CEP97: variants seen among roughly 807,000 people sequenced by gnomAD.
CEP97 encodes centrosomal protein of 97 kDa.
Under a neutral mutation model 73.1 loss-of-function variants are expected in CEP97, and 43 were observed. That is an observed-to-expected ratio of 0.59 (90% CI 0.46 to 0.76). The LOEUF (loss-of-function observed/expected upper bound fraction) is 0.76, where lower values mean the gene tolerates loss of function less well. CEP97 is among the 30% of genes least tolerant of loss of function. The pLI is 0.00. For synonymous variants in CEP97, 337 were observed against 370.0 expected, an observed-to-expected ratio of 0.91 and a Z score of 1.02; for missense variants, 939 against 1,014.0, an observed-to-expected ratio of 0.93 and a Z score of 1.00.
At chr3:101,736,790 C>T (rs1391729249) in intron 6 of CEP97, among the ~76,000 whole-genome samples, 1 of 152,200 alleles carries the variant, frequency 6.6e-6, no homozygotes. Flanking sequence ...TGCTTCTTCT[C>T]CCGCAAAGGA....
At chr3:101,750,618 A>G (rs982745229) in intron 6 of CEP97, among the ~76,000 whole-genome samples, 3 of 152,134 alleles carry the variant, frequency 2.0e-5, no homozygotes, top group South Asian at 2.1e-4. Context: ...CAGAGATTCA[A>G]CTTCTTCCTG....
At chr3:101,735,064 C>T (rs896621930) in intron 6 of CEP97, among the ~76,000 whole-genome samples, 4 of 152,122 alleles carry the variant, frequency 2.6e-5, no homozygotes, top group Admixed American at 6.5e-5. Context: ...ATGTATAGAA[C>T]ATAGGACTGG....
At chr3:101,746,000 G>A (rs1334517915) in intron 6 of CEP97, among the ~76,000 whole-genome samples, 2 of 152,042 alleles carry the variant, frequency 1.3e-5, no homozygotes, top group Admixed American at 6.6e-5. Flanking sequence ...GTGAGAATAT[G>A]CGGTGTTTGG....
chr3:101,756,601 C>T (rs1233764922), intron 7 of CEP97, among the ~76,000 whole-genome samples: 2 of 151,878 alleles, frequency 1.3e-5, no homozygotes, highest in Non-Finnish European at 2.9e-5. Flanking sequence ...TGATCTTGAA[C>T]TCCTGAGCTC....
chr3:101,735,675 C>T (rs563309541), intron 6 of CEP97, among the ~76,000 whole-genome samples: 25 of 152,288 alleles, frequency 1.6e-4, no homozygotes, highest in Admixed American at 4.6e-4. Flanking sequence ...CCAGAAACTA[C>T]GCTTTTCCCA....
rs1326988557 is a variant in CEP97, at chr3:101,770,410, CTG to C, written c.*4861_*4862del. 4 of 152,102 alleles carry C rather than the reference CTG, an allele frequency of 2.6e-5. No individual in the cohort carries two copies. Among genetic ancestry groups the C allele is most frequent in the African/African-American group, 9.7e-5 (4 of 41,432 alleles). 9.4% of individuals were successfully genotyped at this position (152,102 alleles called of 1,614,324 possible). A position where few individuals can be genotyped will look rare whatever the true frequency, so the allele number is the denominator to read the frequency against. On this transcript the variant is annotated 3_prime_UTR_variant, in exon 11 of 11. Coordinates refer to ENST00000341893, the MANE Select transcript of CEP97 (RefSeq NM_024548.4). ...AGTTTAAAAATAATTTGATTTTGGA[CTG>C]TATTTAGATTTCTCTTTAATTTTGC... is the stretch of plus-strand genomic sequence containing the variant.
chr3:101,732,027 C>A, intron 5 of CEP97, 74 bp downstream of exon 5: 1 of 863,162 alleles, frequency 1.2e-6, no homozygotes. Flanking sequence ...GGGTTGTGAG[C>A]TTACTTTTAG....
chr3:101,748,346 C>T (rs934275008), intron 6 of CEP97, among the ~76,000 whole-genome samples: 1 of 151,766 alleles, frequency 6.6e-6, no homozygotes, highest in Admixed American at 6.6e-5. Flanking sequence ...TGACGATCTA[C>T]AGTTTGTGTT....
At chr3:101,741,005 G>A (rs775797676) in intron 6 of CEP97, among the ~76,000 whole-genome samples, 41 of 152,140 alleles carry the variant, frequency 2.7e-4, no homozygotes, top group Non-Finnish European at 5.7e-4. Context: ...GAAGTATCAC[G>A]CTACCTGACT....
At position 101,724,855 on chromosome 3, in the gene CEP97, C is replaced by G. The variant is rs1161093415; in HGVS notation, c.43+136C>G. 3 of 904,732 alleles carry G rather than the reference C, an allele frequency of 3.3e-6. No individual in the cohort carries two copies. The African/African-American group carries it at 5.1e-5, about 15-fold the overall frequency. 56.0% of individuals were successfully genotyped at this position (904,732 alleles called of 1,614,324 possible). On this transcript the variant is annotated intron_variant, in intron 1 of 10. Coordinates refer to ENST00000341893, the MANE Select transcript of CEP97 (RefSeq NM_024548.4). ...TGCGGATCTGTGGTCGTCGCGGAGG[C>G]GGGCTACCCTCTGGGAGTTGTAGTT... is the stretch of plus-strand genomic sequence containing the variant.
rs568481670 is a variant in CEP97, at chr3:101,758,333, A to G, written c.1727A>G (p.Asn576Ser). ...QACWRGFYAR[N>S]YNPQAKDVRY... The stretch of plus-strand genomic sequence containing the variant: ...TGTTGGCGGGGATTTTATGCCAGGA[A>G]CTACAACCCTCAAGCCAAAGATGTG... Residue 576 changes from asparagine (N) to serine (S), a missense_variant, in exon 9 of 11, where the codon AAC becomes AGC. Physicochemically the swap from Asn to Ser is conservative, Grantham distance 46. Coordinates refer to ENST00000341893, the MANE Select transcript of CEP97 (RefSeq NM_024548.4). 8 of 1,614,202 alleles carry G rather than the reference A, an allele frequency of 5.0e-6. No homozygotes were observed. The East Asian group carries it at 1.6e-4, about 31-fold the overall frequency.
chr3:101,762,472 T>C lies in CEP97; in HGVS notation c.1818-13T>C. 6.4e-7 allele frequency: 1 copy of C among 1,565,150 alleles called. No individual in the cohort carries two copies. The highest frequency in any genetic ancestry group is 8.8e-7 in the Non-Finnish European group (1 of 1,140,166). On this transcript the variant is annotated splice_polypyrimidine_tract_variant and intron_variant, in intron 9 of 10. Coordinates refer to ENST00000341893, the MANE Select transcript of CEP97 (RefSeq NM_024548.4). ...CCTTCCTTATGTCAATAATGTGTTTTGAATTATTGTAGATTACGAAAAGAA... is the reference window on the plus strand; with the variant it reads ...CCTTCCTTATGTCAATAATGTGTTTCGAATTATTGTAGATTACGAAAAGAA...
chr3:101,746,316 A>G (rs1222476057), intron 6 of CEP97, among the ~76,000 whole-genome samples: 13 of 151,774 alleles, frequency 8.6e-5, no homozygotes, highest in South Asian at 4.2e-4. Context: ...CATGGTACTG[A>G]TACCAAAACA....
intron 6 of CEP97, among the ~76,000 whole-genome samples, chr3:101,733,727 T>A (rs1329733179): frequency 6.6e-6 from 1 of 152,064 alleles, no homozygotes; most frequent in East Asian, 1.9e-4. Flanking sequence ...AGACGGGGTT[T>A]CACCGTTTTA....
At chr3:101,761,908 C>T (rs541182186) in intron 9 of CEP97, among the ~76,000 whole-genome samples, 1 of 152,110 alleles carries the variant, frequency 6.6e-6, no homozygotes, top group South Asian at 2.1e-4. Context: ...TGAGCCCAGA[C>T]CTCAGACTTT....
At chr3:101,744,288 A>G (rs144389150) in intron 6 of CEP97, among the ~76,000 whole-genome samples, 1 of 152,152 alleles carries the variant, frequency 6.6e-6, no homozygotes, top group East Asian at 1.9e-4. Flanking sequence ...GTTCTCAAAA[A>G]AAGAAAAAAA....
chr3:101,760,184 T>C (rs1416675108), intron 9 of CEP97, among the ~76,000 whole-genome samples: 1 of 152,038 alleles, frequency 6.6e-6, no homozygotes, highest in Non-Finnish European at 1.5e-5. Context: ...AAAAGTCCTG[T>C]CTGATGCTGC....
chr3:101,734,160 A>T (rs1305305415), intron 6 of CEP97, among the ~76,000 whole-genome samples: 1 of 152,146 alleles, frequency 6.6e-6, no homozygotes, highest in East Asian at 1.9e-4. Flanking sequence ...GAAGCAGCAG[A>T]AGCAAGAATT....
At chr3:101,752,709 T>C (rs1310841124) in intron 6 of CEP97, among the ~76,000 whole-genome samples, 2 of 152,250 alleles carry the variant, frequency 1.3e-5, no homozygotes, top group Non-Finnish European at 2.9e-5. Context: ...TTCTGCATTC[T>C]TCACGTAGTT....
Sources: allele counts gnomAD v4.1 joint callset (sites outside exome capture counted in the v4.1 genomes callset), GRCh38; gene constraint gnomAD v4.1.1; transcripts MANE v1.5; gene names NCBI Gene and HGNC (gene_info 2026-07-23, HGNC 2026-07-21).